HEMK2: variants seen among roughly 807,000 people sequenced by gnomAD.
HEMK2 encodes the protein methyltransferase HEMK2.
At chr21:28,809,143 A>G in the HEMK2 span, among the ~76,000 whole-genome samples, 66,957 of 151,980 alleles carry the variant, frequency 0.44, 16,099 homozygotes, top group East Asian at 0.71. Flanking sequence ...TTAGTAGTAT[A>G]AACTGAAGAA....
chr21:28,739,157 C>G, the HEMK2 span, among the ~76,000 whole-genome samples: 1 of 152,182 alleles, frequency 6.6e-6, no homozygotes, highest in Non-Finnish European at 1.5e-5. Context: ...CATTGACATG[C>G]GTATTTCTGA....
At chr21:28,881,531 T>C in the HEMK2 span, among the ~76,000 whole-genome samples, 1 of 151,984 alleles carries the variant, frequency 6.6e-6, no homozygotes, top group Non-Finnish European at 1.5e-5. Context: ...GAAGACTGCC[T>C]AGGAATAGAG....
chr21:28,799,266 T>C, the HEMK2 span, among the ~76,000 whole-genome samples: 2 of 152,188 alleles, frequency 1.3e-5, no homozygotes, highest in Non-Finnish European at 2.9e-5. Flanking sequence ...ATGTCTCACA[T>C]GGTGGCAAAC....
the HEMK2 span, among the ~76,000 whole-genome samples, chr21:28,741,688 C>G: frequency 6.6e-6 from 1 of 152,144 alleles, no homozygotes; most frequent in Non-Finnish European, 1.5e-5. Context: ...GCTAAGGATA[C>G]TAAGGCCTCT....
the HEMK2 span, among the ~76,000 whole-genome samples, chr21:28,876,737 T>C: frequency 1.3e-5 from 2 of 152,078 alleles, no homozygotes; most frequent in Non-Finnish European, 2.9e-5. Flanking sequence ...ACAGCCTACT[T>C]TTGACTCAGC....
At chr21:28,811,635 C>A in the HEMK2 span, among the ~76,000 whole-genome samples, 2 of 152,172 alleles carry the variant, frequency 1.3e-5, no homozygotes, top group African/African-American at 4.8e-5. Context: ...ACTATTCCCA[C>A]TCATCCTCCC....
At chr21:28,580,408 C>T in the HEMK2 span, among the ~76,000 whole-genome samples, 3 of 152,104 alleles carry the variant, frequency 2.0e-5, no homozygotes, top group African/African-American at 7.2e-5. Flanking sequence ...ACGGGCAGGG[C>T]AGAGCTCTCC....
chr21:28,601,493 C>T, the HEMK2 span, among the ~76,000 whole-genome samples: 2 of 152,248 alleles, frequency 1.3e-5, no homozygotes, highest in East Asian at 3.9e-4. Flanking sequence ...ACTTTCTCTA[C>T]TAACACTTTT....
At chr21:28,629,275 T>TG in the HEMK2 span, among the ~76,000 whole-genome samples, 1 of 152,154 alleles carries the variant, frequency 6.6e-6, no homozygotes, top group African/African-American at 2.4e-5. Context: ...AGGAGGTGGG[T>TG]GGCAAATTAT....
chr21:28,877,872 G>A, the HEMK2 span, among the ~76,000 whole-genome samples: 1 of 152,166 alleles, frequency 6.6e-6, no homozygotes, highest in Non-Finnish European at 1.5e-5. Flanking sequence ...TCAAGGGCAT[G>A]AAGACTAGAG....
the HEMK2 span, among the ~76,000 whole-genome samples, chr21:28,746,675 A>T: frequency 2.1e-5 from 3 of 145,698 alleles, no homozygotes; most frequent in Non-Finnish European, 4.5e-5. Context: ...GCCAATCTAA[A>T]AAAAAAAAAA....
At chr21:28,747,482 G>A in the HEMK2 span, among the ~76,000 whole-genome samples, 1 of 152,190 alleles carries the variant, frequency 6.6e-6, no homozygotes, top group African/African-American at 2.4e-5. Flanking sequence ...TAATTTGGGG[G>A]ATCCTGTGCA....
At chr21:28,740,454 A>G in the HEMK2 span, among the ~76,000 whole-genome samples, 2 of 152,250 alleles carry the variant, frequency 1.3e-5, no homozygotes, top group Non-Finnish European at 2.9e-5. Context: ...AGCCTACTTT[A>G]CAGTCCGTTG....
the HEMK2 span, among the ~76,000 whole-genome samples, chr21:28,660,616 T>C: frequency 1.3e-5 from 2 of 151,928 alleles, no homozygotes; most frequent in Non-Finnish European, 2.9e-5. Flanking sequence ...TAAAAAAACT[T>C]AATTGTGGTG....
chr21:28,876,278 T>A, the HEMK2 span: 1 of 732,066 alleles, frequency 1.4e-6, no homozygotes, highest in African/African-American at 1.8e-5. Flanking sequence ...CTACCTTTTT[T>A]TAATGACAAA....
chr21:28,873,954 T>G, the HEMK2 span: 1 of 152,262 alleles, frequency 6.6e-6, no homozygotes, highest in South Asian at 2.1e-4. Flanking sequence ...CTTCCTATTC[T>G]GACCCCTTGA....
the HEMK2 span, among the ~76,000 whole-genome samples, chr21:28,751,449 G>A: frequency 6.6e-6 from 1 of 152,078 alleles, no homozygotes; most frequent in Non-Finnish European, 1.5e-5. Context: ...TTTAAACAGA[G>A]GAAGATTAAT....
At chr21:28,878,388 A>C in the HEMK2 span, 1 of 1,595,298 alleles carries the variant, frequency 6.3e-7, no homozygotes, top group Non-Finnish European at 8.6e-7. Context: ...TTTAGATCAC[A>C]AACTGAATCT....
chr21:28,632,871 T>C, the HEMK2 span, among the ~76,000 whole-genome samples: 1 of 152,212 alleles, frequency 6.6e-6, no homozygotes, highest in African/African-American at 2.4e-5. Context: ...GCACTGGAGT[T>C]TGACGGTGGG....
Sources: allele counts gnomAD v4.1 joint callset (sites outside exome capture counted in the v4.1 genomes callset), GRCh38; gene constraint gnomAD v4.1.1; transcripts MANE v1.5; gene names NCBI Gene and HGNC (gene_info 2026-07-23, HGNC 2026-07-21).